Variants in ERCC3 observed in about 807,000 individuals in gnomAD.
ERCC3 encodes the protein general transcription and DNA repair factor IIH helicase/translocase subunit XPB.
In ERCC3, 66 loss-of-function variants were observed where a neutral mutation model predicts 94.2. The ratio of observed to expected loss-of-function variants is 0.70; its 90% confidence interval spans 0.57 to 0.86. The LOEUF (loss-of-function observed/expected upper bound fraction) is 0.86. ERCC3 is among the 40% of genes least tolerant of loss of function. The pLI is 0.00. For synonymous variants in ERCC3, 349 were observed against 369.1 expected, an observed-to-expected ratio of 0.95 and a Z score of 0.63; for missense variants, 829 against 987.1, an observed-to-expected ratio of 0.84 and a Z score of 2.15.
intron 8 of ERCC3, among the ~76,000 whole-genome samples, chr2:127,281,164 C>T (rs1684897272): frequency 6.6e-6 from 1 of 152,180 alleles, no homozygotes; most frequent in East Asian, 1.9e-4. Flanking sequence ...TCCCCTAACA[C>T]TTGTACCCAG....
In ERCC3 at chr2:127,280,634, G is replaced by T. The variant is rs959314817; in HGVS notation, c.1343-3C>A. 2 of 1,613,654 alleles carry T rather than the reference G, an allele frequency of 1.2e-6. No homozygotes were observed. The highest frequency in any genetic ancestry group is 1.7e-6 in the Non-Finnish European group (2 of 1,179,686). The stretch of plus-strand genomic sequence containing the variant: ...GAGCACCCTTCGGAACATCTTGGCT[G>T]AGGAAACAATGGGAGCATTCACACT... On this transcript the variant is annotated splice_region_variant and splice_polypyrimidine_tract_variant and intron_variant, in intron 8 of 14. Transcript: ENST00000285398. This position sits in a 1 kb window ranked among gnomAD's most constrained non-coding sequence, Gnocchi z 6.3.
chr2:127,264,573 T>C lies in ERCC3; in HGVS notation c.1946-3227A>G, dbSNP rs1684296238. Among the ~76,000 whole-genome samples, 1 of 152,256 alleles carries C rather than the reference T, an allele frequency of 6.6e-6. No homozygotes were observed. ...TTGATTTCCACATGTTGAACCAACT[T>C]TGCATCCCAGAAGTAAAGCCTATTT... On this transcript the variant is annotated intron_variant, in intron 12 of 14. Transcript: ENST00000285398. The surrounding 1 kb of genome is among the most constrained non-coding windows in gnomAD (Gnocchi z 4.4).
Position 127,286,967 on chromosome 2 carries a change from G to A in ERCC3, c.1078C>T (p.Arg360Cys), listed in dbSNP as rs754010782. The A allele has an allele frequency of 4.6e-5, 75 of 1,613,864 alleles. No individual in the cohort carries two copies. The highest frequency in any genetic ancestry group is 2.5e-4 in the African/African-American group (19 of 74,916). ...GCTGAGTTGCCCAGCACCAGACAGC[G>A]TTTTCTGACAGTGCATGCAGCAGTC... The part of the protein sequence containing the change: ...GVTAACTVRK[R>C]CLVLGNSAVS... The change falls in exon 8 of 15, where the codon CGC becomes TGC. Residue 360 changes from arginine to cysteine, a missense_variant. Arg to Cys is a radical substitution (Grantham distance 180). Transcript: ENST00000285398.
At chr2:127,286,337 T>G (rs1441092124) in intron 8 of ERCC3, among the ~76,000 whole-genome samples, 2 of 151,966 alleles carry the variant, frequency 1.3e-5, no homozygotes, top group Non-Finnish European at 2.9e-5. Context: ...GATCACGAGG[T>G]CAGGAGTTCA....
Position 127,277,129 on chromosome 2 carries a change from G to A in ERCC3, c.1730+2044C>T, listed in dbSNP as rs1369551471. On this transcript the variant is annotated intron_variant, in intron 10 of 14. Coordinates refer to ENST00000285398, the MANE Select transcript of ERCC3 (RefSeq NM_000122.2). The surrounding 1 kb of genome is among the most constrained non-coding windows in gnomAD (Gnocchi z 5.1). ...CAACAAAGAGGCCCAGGGAAGTCATGGGGTAGTGTCCAAGGGAAACCCCAT... is the reference window on the plus strand; with the variant it reads ...CAACAAAGAGGCCCAGGGAAGTCATAGGGTAGTGTCCAAGGGAAACCCCAT... 1.3e-5 allele frequency among the ~76,000 whole-genome samples: 2 copies of A among 152,184 alleles called. No homozygotes were observed. Among genetic ancestry groups the A allele is most frequent in the East Asian group, 1.9e-4 (1 of 5,200 alleles).
chr2:127,261,021 T>C (rs1684173990), intron 13 of ERCC3: 2 of 588,788 alleles, frequency 3.4e-6, no homozygotes, highest in Non-Finnish European at 6.2e-6. Context: ...CATAGTGCCA[T>C]GGCACCTCAG....
At chr2:127,278,683 A>G (rs1463126114) in intron 10 of ERCC3, among the ~76,000 whole-genome samples, 1 of 152,240 alleles carries the variant, frequency 6.6e-6, no homozygotes, top group Non-Finnish European at 1.5e-5. Context: ...CCAGGTTTTA[A>G]GCACAAATAT....
intron 2 of ERCC3, among the ~76,000 whole-genome samples, 170 bp downstream of exon 2, chr2:127,293,343 G>A (rs1685343982): frequency 6.6e-6 from 1 of 152,196 alleles, no homozygotes; most frequent in Admixed American, 6.5e-5. Flanking sequence ...ACACGTGTGC[G>A]CAACTGCTCG....
rs2104771138 is a variant in ERCC3, at chr2:127,286,848, C to G, written c.1197G>C (p.Lys399Asn). 1 of 1,614,230 alleles carries G rather than the reference C, an allele frequency of 6.2e-7. No homozygotes were observed. Among genetic ancestry groups the G allele is most frequent in the South Asian group, 1.1e-5 (1 of 91,084 alleles). ...ICRFTSDAKD[K>N]PIGCSVAIST... ...TAATGGCAACGGAGCAGCCGATGGG[C>G]TTGTCCTTGGCATCGGAGGTGAACC... Residue 399 changes from lysine to asparagine, a missense_variant, in exon 8 of 15, where the codon AAG (lysine) becomes AAC (asparagine). Transcript: ENST00000285398.
chr2:127,266,655 A>T (rs1234985604), intron 12 of ERCC3, among the ~76,000 whole-genome samples: 1 of 151,772 alleles, frequency 6.6e-6, no homozygotes, highest in Non-Finnish European at 1.5e-5. Context: ...TGAGACTTTA[A>T]TAAAGTCGAG....
rs538116781 is a variant in ERCC3, at chr2:127,270,173, A to ACACACCACCACGCCCAG, written c.1945+1146_1945+1162dup. On this transcript the variant is annotated intron_variant, in intron 12 of 14. Transcript: ENST00000285398. Reference sequence around the variant, plus strand: ...CTCCCAAGTAGCTGGAACCACAGGTACACACCACCACGCCCAGCTAGTTTT... The same window carrying ACACACCACCACGCCCAG: ...CTCCCAAGTAGCTGGAACCACAGGTACACACCACCACGCCCAGCACACCACCACGCCCAGCTAGTTTT... 8.5e-3 allele frequency among the ~76,000 whole-genome samples: 1,296 copies of ACACACCACCACGCCCAG among 152,272 alleles called. 16 individuals are homozygous for ACACACCACCACGCCCAG. Among genetic ancestry groups the ACACACCACCACGCCCAG allele is most frequent in the African/African-American group, 0.03 (1,237 of 41,542 alleles).
chr2:127,266,456 C>T (rs927605817), intron 12 of ERCC3, among the ~76,000 whole-genome samples: 3 of 150,774 alleles, frequency 2.0e-5, no homozygotes, highest in African/African-American at 7.4e-5. Flanking sequence ...CTGCCTCAGC[C>T]TCCCGAGTAG....
At chr2:127,266,573 G>A (rs1684374564) in intron 12 of ERCC3, among the ~76,000 whole-genome samples, 1 of 151,760 alleles carries the variant, frequency 6.6e-6, no homozygotes. Context: ...TCCTGACCTC[G>A]TGATCCACCC....
intron 12 of ERCC3, among the ~76,000 whole-genome samples, chr2:127,265,908 C>T (rs987702234): frequency 1.3e-5 from 2 of 152,082 alleles, no homozygotes; most frequent in Admixed American, 6.5e-5. Context: ...TCTGTCTTCT[C>T]GATGTAGGTG....
At position 127,277,509 on chromosome 2, in the gene ERCC3, G is replaced by A. The variant is rs1188356830; in HGVS notation, c.1730+1664C>T. On this transcript the variant is annotated intron_variant, in intron 10 of 14. Transcript: ENST00000285398. The surrounding 1 kb of genome is among the most constrained non-coding windows in gnomAD (Gnocchi z 5.1). Reference sequence around the variant, plus strand: ...GATCGAGACCATCCTGGCCAATATGGTGAAACCCTATCTCTACCAAAAATA... The same window carrying A: ...GATCGAGACCATCCTGGCCAATATGATGAAACCCTATCTCTACCAAAAATA... Among the ~76,000 whole-genome samples the A allele has an allele frequency of 6.6e-6, 1 of 152,060 alleles. No individual in the cohort carries two copies. The highest frequency in any genetic ancestry group is 1.5e-5 in the Non-Finnish European group (1 of 68,018).
At chr2:127,294,003 G>A (rs981867732) in intron 1 of ERCC3, 51 bp downstream of exon 1, 4 of 1,594,546 alleles carry the variant, frequency 2.5e-6, no homozygotes, top group East Asian at 2.3e-5. Flanking sequence ...AGAGCGGGGG[G>A]CAGGGCCGGC....
intron 4 of ERCC3, 117 bp from the exon 5 acceptor site, chr2:127,289,941 T>G: frequency 8.1e-7 from 1 of 1,240,088 alleles, no homozygotes; most frequent in Non-Finnish European, 1.2e-6. Flanking sequence ...CCCACAACCC[T>G]TCGCCAAATC....
At chr2:127,273,026 G>T (rs1268600245) in intron 10 of ERCC3, 65 bp from the exon 11 acceptor site, 2 of 1,035,866 alleles carry the variant, frequency 1.9e-6, no homozygotes, top group Non-Finnish European at 3.1e-6. Context: ...AAACACATCA[G>T]AGGGAAAAAG....
At chr2:127,275,770 A>G (rs1300311338) in intron 10 of ERCC3, among the ~76,000 whole-genome samples, 2 of 152,242 alleles carry the variant, frequency 1.3e-5, no homozygotes, top group Non-Finnish European at 2.9e-5. Context: ...AGGAGAAGAA[A>G]TAACAGCAGA....
Sources: allele counts gnomAD v4.1 joint callset (sites outside exome capture counted in the v4.1 genomes callset), GRCh38; gene constraint gnomAD v4.1.1; non-coding constraint Gnocchi (gnomAD v3.1); transcripts MANE v1.5; gene names NCBI Gene and HGNC (gene_info 2026-07-23, HGNC 2026-07-21).